ARL8B: variants seen among roughly 807,000 people sequenced by gnomAD.
The protein encoded by ARL8B is ARF like GTPase 8B.
Under a neutral mutation model 30.6 loss-of-function variants are expected in ARL8B, and 9 were observed. The observed-to-expected ratio is 0.29, with a 90% CI of 0.18 to 0.51. The LOEUF (loss-of-function observed/expected upper bound fraction) is 0.51, where lower values mean the gene tolerates loss of function less well. Ranked by LOEUF, ARL8B falls within the 20% of genes least tolerant of loss-of-function variation. The pLI is 0.97. For synonymous variants in ARL8B, 74 were observed against 76.0 expected, an observed-to-expected ratio of 0.97 and a Z score of 0.14; for missense variants, 130 against 227.2, an observed-to-expected ratio of 0.57 and a Z score of 2.75.
intron 1 of ARL8B, among the ~76,000 whole-genome samples, chr3:5,129,158 C>G (rs936211613): frequency 6.9e-6 from 1 of 143,946 alleles, no homozygotes; most frequent in African/African-American, 2.7e-5. Context: ...CTGAGAAGGT[C>G]TGAACAGTTT....
chr3:5,134,461 G>C (rs2054308524), intron 1 of ARL8B, among the ~76,000 whole-genome samples: 1 of 152,162 alleles, frequency 6.6e-6, no homozygotes, highest in Admixed American at 6.5e-5. Flanking sequence ...TTCTGTTTCT[G>C]GAAAGTGCCT....
At chr3:5,157,046 AT>A (rs1255638555) in intron 1 of ARL8B, 1 of 152,118 alleles carries the variant, frequency 6.6e-6, no homozygotes, top group Non-Finnish European at 1.5e-5. Context: ...TTGATTTGTT[AT>A]TTTGTTTTGT....
chr3:5,159,345 G>A (rs1418443643), intron 1 of ARL8B, among the ~76,000 whole-genome samples: 4 of 149,306 alleles, frequency 2.7e-5, no homozygotes, highest in Non-Finnish European at 5.9e-5. Flanking sequence ...GCTCATGCCT[G>A]TAATCCCAGC....
rs917585251 is a variant in ARL8B at position 5,122,344 on chromosome 3, C to T, written c.-122C>T. ...GGCTGCTGCCGCCCGCCGGTGTCCG[C>T]CCGTGTCGCGCCGGGGCACCAAGGA... On this transcript the variant is annotated 5_prime_UTR_variant, in exon 1 of 7. Transcript: ENST00000256496. 6 of 1,545,910 alleles carry T rather than the reference C, an allele frequency of 3.9e-6. No homozygotes were observed. In the East Asian group the frequency reaches 7.3e-5, roughly 19 times the overall value.
intron 6 of ARL8B, among the ~76,000 whole-genome samples, chr3:5,175,378 T>G (rs2054720521): frequency 6.6e-6 from 1 of 152,212 alleles, no homozygotes; most frequent in African/African-American, 2.4e-5. Context: ...ACCAATTTAT[T>G]GTGTTAATTT....
At chr3:5,156,491 A>G (rs569766328) in intron 1 of ARL8B, among the ~76,000 whole-genome samples, 3 of 151,014 alleles carry the variant, frequency 2.0e-5, no homozygotes, top group African/African-American at 4.9e-5. Flanking sequence ...ATCCTGTCTC[A>G]CTGCAACCTC....
intron 1 of ARL8B, among the ~76,000 whole-genome samples, chr3:5,163,463 ATTAT>A (rs1429922923): frequency 6.6e-6 from 1 of 150,448 alleles, no homozygotes; most frequent in African/African-American, 2.5e-5. Context: ...TCTTTGCAAA[ATTAT>A]TTAAGGATTG....
At chr3:5,139,990 T>G (rs1309627193) in intron 1 of ARL8B, among the ~76,000 whole-genome samples, 3 of 150,250 alleles carry the variant, frequency 2.0e-5, no homozygotes, top group Non-Finnish European at 4.4e-5. Context: ...TAGTTTTGTT[T>G]TTTTTTTTTT....
chr3:5,160,206 C>CT (rs1161460852), intron 1 of ARL8B, among the ~76,000 whole-genome samples: 3 of 152,226 alleles, frequency 2.0e-5, no homozygotes, highest in South Asian at 4.1e-4. Flanking sequence ...CTCTCTAGCA[C>CT]TAAGATTTCT....
chr3:5,150,721 T>A (rs1318777488), intron 1 of ARL8B, among the ~76,000 whole-genome samples: 1 of 152,194 alleles, frequency 6.6e-6, no homozygotes, highest in Non-Finnish European at 1.5e-5. Context: ...AGGGGAAGCT[T>A]GCAGTGAGCC....
intron 1 of ARL8B, among the ~76,000 whole-genome samples, chr3:5,134,276 G>C (rs2054307024): frequency 6.6e-6 from 1 of 152,170 alleles, no homozygotes; most frequent in Non-Finnish European, 1.5e-5. Flanking sequence ...CACTCCTCAG[G>C]ATTGCTGTTG....
intron 1 of ARL8B, chr3:5,128,627 C>A: frequency 8.8e-6 from 2 of 227,338 alleles, no homozygotes; most frequent in South Asian, 4.8e-5. Flanking sequence ...ATACATTGAA[C>A]CTATAAAAAA....
chr3:5,133,782 A>G (rs1342617503), intron 1 of ARL8B, among the ~76,000 whole-genome samples: 1 of 152,066 alleles, frequency 6.6e-6, no homozygotes. Context: ...TAAAAAAATA[A>G]AAAAAATTAG....
chr3:5,172,797 G>A, intron 4 of ARL8B, 57 bp downstream of exon 4: 1 of 1,092,688 alleles, frequency 9.2e-7, no homozygotes, highest in Non-Finnish European at 1.4e-6. Flanking sequence ...ATTAATTATG[G>A]TAATTATGCA....
intron 1 of ARL8B, among the ~76,000 whole-genome samples, chr3:5,127,872 C>CAGAAA (rs1553576796): frequency 1.9e-4 from 2 of 10,592 alleles, no homozygotes; most frequent in Admixed American, 1.4e-3. Context: ...GACTCCGTCT[C>CAGAAA]AAAAAAAAAA....
intron 1 of ARL8B, among the ~76,000 whole-genome samples, chr3:5,136,168 G>T (rs941181617): frequency 3.3e-5 from 5 of 152,086 alleles, no homozygotes; most frequent in Admixed American, 3.3e-4. Context: ...GTAGTGGCGT[G>T]ATCTTGGCTC....
At chr3:5,151,016 C>T (rs957698048) in intron 1 of ARL8B, among the ~76,000 whole-genome samples, 14 of 151,684 alleles carry the variant, frequency 9.2e-5, no homozygotes, top group Non-Finnish European at 1.5e-4. Context: ...TCTTATTTAT[C>T]TTTTTTAATG....
chr3:5,170,485 A>G lies in ARL8B; in HGVS notation c.124-18A>G. ...TTATAAGTGAGTAGCCTAACTTCAA[A>G]TGTTTTATTTTGTTCAGTCAGGTCA... On this transcript the variant is annotated intron_variant, in intron 1 of 6. Coordinates refer to ENST00000256496, the MANE Select transcript of ARL8B (RefSeq NM_018184.3). The G allele has an allele frequency of 6.3e-7, 1 of 1,584,154 alleles. No individual in the cohort carries two copies. Among genetic ancestry groups the G allele is most frequent in the South Asian group, 1.1e-5 (1 of 88,172 alleles).
At chr3:5,163,745 G>T (rs995183706) in intron 1 of ARL8B, among the ~76,000 whole-genome samples, 1 of 151,994 alleles carries the variant, frequency 6.6e-6, no homozygotes, top group South Asian at 2.1e-4. Context: ...TGGCACGCGC[G>T]TGTAATCCCA....
Sources: allele counts gnomAD v4.1 joint callset (sites outside exome capture counted in the v4.1 genomes callset), GRCh38; gene constraint gnomAD v4.1.1; transcripts MANE v1.5; gene names NCBI Gene and HGNC (gene_info 2026-07-23, HGNC 2026-07-21).